ERG: variants seen among roughly 807,000 people sequenced by gnomAD.
ERG encodes the protein transcriptional regulator ERG.
Under a neutral mutation model 55.3 loss-of-function variants are expected in ERG, and 9 were observed. The observed-to-expected ratio is 0.16, with a 90% CI of 0.10 to 0.28. The LOEUF is 0.28. Ranked by LOEUF, ERG falls within the 10% of genes least tolerant of loss-of-function variation. The pLI, the probability that ERG is intolerant of heterozygous loss-of-function variation, is 1.00. For synonymous variants in ERG, 223 were observed against 237.3 expected, an observed-to-expected ratio of 0.94 and a Z score of 0.55; for missense variants, 434 against 631.6, an observed-to-expected ratio of 0.69 and a Z score of 3.35.
At chr21:38,481,762 T>C (rs1205705591) in intron 1 of ERG, among the ~76,000 whole-genome samples, 1 of 152,206 alleles carries the variant, frequency 6.6e-6, no homozygotes. Context: ...TGAATCAATA[T>C]ACTAGACACC....
intron 1 of ERG, among the ~76,000 whole-genome samples, chr21:38,579,812 C>T (rs955052166): frequency 3.5e-5 from 5 of 144,270 alleles, no homozygotes; most frequent in East Asian, 4.0e-4. Flanking sequence ...TCAACCCACA[C>T]GGATCTCTGA....
At chr21:38,464,617 C>T (rs1344807079) in intron 1 of ERG, among the ~76,000 whole-genome samples, 1 of 151,872 alleles carries the variant, frequency 6.6e-6, no homozygotes. Flanking sequence ...GCAGAACATG[C>T]AGGTTTGTTA....
At chr21:38,580,781 C>T (rs2060023624) in intron 1 of ERG, among the ~76,000 whole-genome samples, 1 of 151,954 alleles carries the variant, frequency 6.6e-6, no homozygotes, top group South Asian at 2.1e-4. Flanking sequence ...GGACTGGTAC[C>T]CAAGGTAGAA....
chr21:38,440,703 C>T (rs911052502), intron 2 of ERG, among the ~76,000 whole-genome samples: 2 of 148,394 alleles, frequency 1.3e-5, no homozygotes, highest in Admixed American at 6.9e-5. Context: ...GCAGGAGAAT[C>T]GCTTGAACTC....
chr21:38,660,049 T>TGAGA (rs1234464259), intron 1 of ERG, among the ~76,000 whole-genome samples: 1 of 59,154 alleles, frequency 1.7e-5, no homozygotes, highest in African/African-American at 4.5e-5. Context: ...AAGGGACCGC[T>TGAGA]CCTGGCGCTG....
chr21:38,612,364 T>A (rs1009898982), intron 1 of ERG, among the ~76,000 whole-genome samples: 1 of 152,238 alleles, frequency 6.6e-6, no homozygotes, highest in African/African-American at 2.4e-5. Context: ...TTAAAGCATA[T>A]TAATAAAATT....
chr21:38,589,079 A>G (rs1012116843), upstream of ERG, among the ~76,000 whole-genome samples: 2 of 152,184 alleles, frequency 1.3e-5, no homozygotes, highest in African/African-American at 2.4e-5. Flanking sequence ...TCCCCAAAAC[A>G]CTAGACAAGA....
chr21:38,387,229 C>T (rs1987734219), intron 9 of ERG, among the ~76,000 whole-genome samples: 1 of 152,164 alleles, frequency 6.6e-6, no homozygotes, highest in Admixed American at 6.5e-5. Context: ...TGAGGGGCCC[C>T]ACCAGTACCA....
chr21:38,384,182 G>A (rs1421086356), intron 9 of ERG, among the ~76,000 whole-genome samples: 1 of 152,202 alleles, frequency 6.6e-6, no homozygotes, highest in Non-Finnish European at 1.5e-5. Flanking sequence ...TGGACTGAAC[G>A]GGGTACCACG....
chr21:38,380,649 C>T lies in ERG; in HGVS notation c.*2754G>A, dbSNP rs560781746. The T allele has an allele frequency of 2.0e-4, 210 of 1,064,740 alleles. No homozygotes were observed. The highest frequency in any genetic ancestry group is 4.2e-4 in the Middle Eastern group (1 of 2,400). The allele number at this position is 1,064,740 out of a possible 1,614,324, so 66.0% of individuals were successfully genotyped here. ...TTACAACAGTAACAGAGAGTTAATG[C>T]CATTTTGAAACAATTTAAGAATTAT... On this transcript the variant is annotated 3_prime_UTR_variant, in exon 10 of 10. Transcript: ENST00000288319.
upstream of ERG, among the ~76,000 whole-genome samples, chr21:38,587,632 G>A (rs183456357): frequency 5.9e-4 from 90 of 152,292 alleles, no homozygotes; most frequent in Non-Finnish European, 1.0e-3. Context: ...GATTACAGGC[G>A]TGAGCCACGG....
intron 1 of ERG, among the ~76,000 whole-genome samples, chr21:38,593,429 T>G (rs1018578818): frequency 6.6e-6 from 1 of 152,188 alleles, no homozygotes. Context: ...AGCCACAGAT[T>G]AAACAAGCAT....
In ERG at chr21:38,596,068, G is replaced by C. The variant is rs535597123; in HGVS notation, c.-149-11123C>G. Reference sequence around the variant, plus strand: ...ATTGGTGTGGGATTGGGGGGGGGGGGTCTCTTTTTATAATAGCTAGAACAT... The same window carrying C: ...ATTGGTGTGGGATTGGGGGGGGGGGCTCTCTTTTTATAATAGCTAGAACAT... On this transcript the variant is annotated intron_variant, in intron 1 of 10. Coordinates refer to the ERG transcript ENST00000398910. 1.8e-3 allele frequency among the ~76,000 whole-genome samples: 222 copies of C among 125,932 alleles called. 3 individuals are homozygous for C. Among genetic ancestry groups the C allele is most frequent in the East Asian group, 1.4e-3 (5 of 3,694 alleles). 82.6% of individuals were successfully genotyped at this position (125,932 alleles called of 152,430 possible).
At chr21:38,478,648 A>T (rs2059210669) in intron 1 of ERG, among the ~76,000 whole-genome samples, 1 of 152,230 alleles carries the variant, frequency 6.6e-6, no homozygotes, top group Non-Finnish European at 1.5e-5. Flanking sequence ...GATAAGAGGA[A>T]CTTCAATTTT....
intron 2 of ERG, among the ~76,000 whole-genome samples, chr21:38,444,265 C>T (rs2836403): frequency 0.095 from 14,512 of 152,244 alleles, 830 homozygotes; most frequent in Non-Finnish European, 0.13. Flanking sequence ...GGTTTAAATC[C>T]AAACTCTGAT....
At chr21:38,480,591 C>CTTTTT (rs544037525) in intron 1 of ERG, among the ~76,000 whole-genome samples, 1,745 of 51,030 alleles carry the variant, frequency 0.034, 337 homozygotes, top group Middle Eastern at 0.083. Context: ...ACTATATGGC[C>CTTTTT]TTTTTTTTTT....
In ERG at chr21:38,381,700, G is replaced by C; in HGVS notation, c.*1703C>G. On this transcript the variant is annotated 3_prime_UTR_variant, in exon 10 of 10. Transcript: ENST00000288319. ...TCATAGCAGGAATTAAGGGTGATTT[G>C]TGACCAGGTGCTGAACTAGAATTTC... is the stretch of plus-strand genomic sequence containing the variant. The C allele has an allele frequency of 9.4e-7, 1 of 1,063,496 alleles. No homozygotes were observed. Among genetic ancestry groups the C allele is most frequent in the East Asian group, 5.0e-5 (1 of 19,812 alleles). The allele number at this position is 1,063,496 out of a possible 1,614,324, so 65.9% of individuals were successfully genotyped here. A position where few individuals can be genotyped will look rare whatever the true frequency, so the allele number is the denominator to read the frequency against.
Position 38,594,135 on chromosome 21 carries a change from C to T in ERG, c.-149-9190G>A, listed in dbSNP as rs183497976. On this transcript the variant is annotated intron_variant, in intron 1 of 10. Transcript: ENST00000398910. The stretch of plus-strand genomic sequence containing the variant: ...ATACCCATCGGCTTTGCCAAAAACA[C>T]TTTGGGATTTCAGTGATGGGTACTG... 2.2e-4 allele frequency among the ~76,000 whole-genome samples: 33 copies of T among 152,266 alleles called. No homozygotes were observed. The East Asian group carries it at 6.0e-3, about 28-fold the overall frequency.
chr21:38,383,210 C>T lies in ERG; in HGVS notation c.*193G>A. The stretch of plus-strand genomic sequence containing the variant: ...TCCATATTCGTGACATTTTTAGCAT[C>T]CTCCTCATTTCTGTAGTAAGACTTC... On this transcript the variant is annotated 3_prime_UTR_variant, in exon 10 of 10. Coordinates refer to ENST00000288319, the MANE Select transcript of ERG (RefSeq NM_182918.4). This position sits in a 1 kb window ranked among gnomAD's most constrained non-coding sequence, Gnocchi z 5.7. The T allele has an allele frequency of 7.8e-7, 1 of 1,288,980 alleles. No homozygotes were observed. The highest frequency in any genetic ancestry group is 9.8e-7 in the Non-Finnish European group (1 of 1,020,452). The allele number at this position is 1,288,980 out of a possible 1,614,324, so 79.8% of individuals were successfully genotyped here. A position where few individuals can be genotyped will look rare whatever the true frequency, so the allele number is the denominator to read the frequency against.
Sources: gnomAD v4.1 joint callset for allele counts (sites outside exome capture counted in the v4.1 genomes callset) on GRCh38, gnomAD v4.1.1 for gene constraint, Gnocchi (gnomAD v3.1) non-coding constraint, MANE v1.5 for transcripts, NCBI Gene and HGNC (gene_info 2026-07-23, HGNC 2026-07-21) for gene names.